GRAMD4: variants seen among roughly 807,000 people sequenced by gnomAD.
GRAMD4 encodes the protein GRAM domain-containing protein 4.
GRAMD4 carries 25 observed loss-of-function variants against 83.9 expected under a neutral mutation model. The observed-to-expected ratio is 0.30, with a 90% confidence interval of 0.22 to 0.42. GRAMD4 has a LOEUF of 0.42. GRAMD4 is among the 10% of genes least tolerant of loss of function. GRAMD4 has a pLI of 1.00. For synonymous variants in GRAMD4, 336 were observed against 320.9 expected (o/e 1.05, Z -0.50); for missense variants, 593 against 788.7 (o/e 0.75, Z 2.97).
At chr22:46,649,214 C>T (rs2147282252) in intron 3 of GRAMD4, among the ~76,000 whole-genome samples, 1 of 152,280 alleles carries the variant, frequency 6.6e-6, no homozygotes, top group African/African-American at 2.4e-5. Flanking sequence ...CCTGATTGCC[C>T]CTAGCCCACA....
At chr22:46,612,859 G>T (rs889962017) in intron 1 of GRAMD4, among the ~76,000 whole-genome samples, 1 of 152,196 alleles carries the variant, frequency 6.6e-6, no homozygotes, top group African/African-American at 2.4e-5. Flanking sequence ...CCTGCTTCCC[G>T]GGGCCCCCAG....
intron 1 of GRAMD4, among the ~76,000 whole-genome samples, chr22:46,609,336 G>A (rs1311258949): frequency 3.9e-5 from 6 of 152,226 alleles, no homozygotes; most frequent in South Asian, 2.1e-4. Flanking sequence ...CCTGCTGTGC[G>A]GGGTAGCCCT....
In GRAMD4 at chr22:46,678,169, C is replaced by A; in HGVS notation, c.*918C>A. ...TGTCTGGCACATGGCCCCCAGGCTGCGGTTGCCTGGGTTGGTTGGGGGAGG... is the reference window on the plus strand; with the variant it reads ...TGTCTGGCACATGGCCCCCAGGCTGAGGTTGCCTGGGTTGGTTGGGGGAGG... On this transcript the variant is annotated 3_prime_UTR_variant, in exon 19 of 19. Coordinates refer to ENST00000406902, the MANE Select transcript of GRAMD4 (RefSeq NM_015124.5). 1 of 985,556 alleles carries A rather than the reference C, an allele frequency of 1.0e-6. No homozygotes were observed. The highest frequency in any genetic ancestry group is 1.2e-6 in the Non-Finnish European group (1 of 830,038). The allele number at this position is 985,556 out of a possible 1,614,324, so 61.1% of individuals were successfully genotyped here.
At chr22:46,680,576 A>T (rs1454043940), downstream of GRAMD4, among the ~76,000 whole-genome samples, 1 of 137,398 alleles carries the variant, frequency 7.3e-6, no homozygotes, top group Non-Finnish European at 1.6e-5. Flanking sequence ...CCATCCATCC[A>T]TCCATCCATC....
At chr22:46,576,028 G>A (rs992447649), upstream of GRAMD4, 1 of 153,204 alleles carries the variant, frequency 6.5e-6, no homozygotes, top group Non-Finnish European at 1.5e-5. Context: ...GGCGGATCCA[G>A]GTCTGGAGTC....
At position 46,663,122 on chromosome 22, in the gene GRAMD4, C is replaced by T. The variant is rs1300490683; in HGVS notation, c.549C>T (p.Phe183=). 1.9e-6 allele frequency: 3 copies of T among 1,612,344 alleles called. No individual in the cohort carries two copies. Among genetic ancestry groups the T allele is most frequent in the Non-Finnish European group, 2.5e-6 (3 of 1,179,664 alleles). Residue 183 remains phenylalanine (F), a synonymous_variant, in exon 6 of 19, where the codon TTC becomes TTT. Coordinates refer to ENST00000406902, the MANE Select transcript of GRAMD4 (RefSeq NM_015124.5). ...GGGAGTACGTGGAGGACTTCCGGTT[C>T]CAGCCCGAGGAGAACACTGTGGAGA... ...RFGEYVEDFR[F]QPEENTVETE...
At chr22:46,645,903 C>G (rs780995138) in intron 3 of GRAMD4, among the ~76,000 whole-genome samples, 3 of 152,250 alleles carry the variant, frequency 2.0e-5, no homozygotes, top group Non-Finnish European at 4.4e-5. Context: ...ACCTGCTGCG[C>G]GCAGGCTCTG....
At chr22:46,668,965 T>C in intron 13 of GRAMD4, 57 bp downstream of exon 13, 1 of 925,894 alleles carries the variant, frequency 1.1e-6, no homozygotes, top group Non-Finnish European at 1.8e-6. Flanking sequence ...GGTGTCCGCA[T>C]GCCACCAGTG....
At chr22:46,598,549 T>A (rs547896032) in intron 1 of GRAMD4, among the ~76,000 whole-genome samples, 1 of 152,016 alleles carries the variant, frequency 6.6e-6, no homozygotes, top group Non-Finnish European at 1.5e-5. Flanking sequence ...GGTTACCGGC[T>A]TGATTTGCTG....
At chr22:46,598,249 T>C (rs956872016) in intron 1 of GRAMD4, among the ~76,000 whole-genome samples, 15 of 152,046 alleles carry the variant, frequency 9.9e-5, no homozygotes, top group African/African-American at 3.4e-4. Context: ...CCCAAAGGGA[T>C]AGGATTACAG....
At chr22:46,648,699 C>CATGGATGGATGGATGGATGG (rs201041889) in intron 3 of GRAMD4, among the ~76,000 whole-genome samples, 4 of 118,184 alleles carry the variant, frequency 3.4e-5, no homozygotes, top group Admixed American at 8.6e-5. Context: ...TGGATGGATG[C>CATGGATGGATGGATGGATGG]ATGGATGGAT....
intron 3 of GRAMD4, among the ~76,000 whole-genome samples, chr22:46,645,398 C>A (rs1482256768): frequency 6.6e-6 from 1 of 152,176 alleles, no homozygotes; most frequent in Admixed American, 6.5e-5. Flanking sequence ...CTCTGCCTCG[C>A]CTGACCTGCA....
rs557104155 is a variant in GRAMD4, at chr22:46,622,972, G to A, written c.-50+2407G>A. On this transcript the variant is annotated intron_variant, in intron 1 of 18. Coordinates refer to ENST00000406902, the MANE Select transcript of GRAMD4 (RefSeq NM_015124.5). This position sits in a 1 kb window ranked among gnomAD's most constrained non-coding sequence, Gnocchi z 4.0. ...ATATTTATATTATGTGTGTTTTACCGTAATTAAAAAATATTGTGGGAAAAG... is the reference window on the plus strand; with the variant it reads ...ATATTTATATTATGTGTGTTTTACCATAATTAAAAAATATTGTGGGAAAAG... Among the ~76,000 whole-genome samples the A allele has an allele frequency of 7.3e-5, 11 of 151,388 alleles. No homozygotes were observed. The highest frequency in any genetic ancestry group is 2.7e-4 in the African/African-American group (11 of 41,234).
At chr22:46,590,047 G>A (rs1313986677) in intron 1 of GRAMD4, among the ~76,000 whole-genome samples, 1 of 152,228 alleles carries the variant, frequency 6.6e-6, no homozygotes, top group Non-Finnish European at 1.5e-5. Flanking sequence ...GTCCTGGCCT[G>A]GTTGGGAGCC....
chr22:46,679,918 C>T (rs1287947306), downstream of GRAMD4: 4 of 322,428 alleles, frequency 1.2e-5, no homozygotes, highest in Non-Finnish European at 1.8e-5. Context: ...CTGCCGGCGG[C>T]GGGGCGTTTG....
chr22:46,635,710 T>C (rs868397461), intron 2 of GRAMD4, among the ~76,000 whole-genome samples: 51 of 75,270 alleles, frequency 6.8e-4, no homozygotes, highest in African/African-American at 3.0e-3. Flanking sequence ...TCCCCACCCC[T>C]GACCACTCCT....
At chr22:46,682,373 G>A (rs187055917), downstream of GRAMD4, 2 of 947,524 alleles carry the variant, frequency 2.1e-6, no homozygotes, top group Non-Finnish European at 2.5e-6. Flanking sequence ...GTTACTATCT[G>A]TAAATGATAT....
At chr22:46,663,743 C>T (rs2082366311) in intron 6 of GRAMD4, 95 bp from the exon 7 acceptor site, 5 of 1,229,604 alleles carry the variant, frequency 4.1e-6, no homozygotes, top group Non-Finnish European at 6.0e-6. Context: ...GACGTCCTCC[C>T]TGGCCCCTGC....
chr22:46,638,943 C>T (rs1308130413), intron 3 of GRAMD4, among the ~76,000 whole-genome samples: 2 of 152,218 alleles, frequency 1.3e-5, no homozygotes, highest in Non-Finnish European at 2.9e-5. Flanking sequence ...GTGCCCTGTC[C>T]TTGGTTACCA....
Sources: gnomAD v4.1 joint callset for allele counts (sites outside exome capture counted in the v4.1 genomes callset) on GRCh38, gnomAD v4.1.1 for gene constraint, Gnocchi (gnomAD v3.1) non-coding constraint, MANE v1.5 for transcripts, NCBI Gene and HGNC (gene_info 2026-07-23, HGNC 2026-07-21) for gene names.